Variants in RNF213 observed in about 807,000 individuals in gnomAD.
RNF213 encodes the protein ring finger protein 213, also known as E3 ubiquitin-protein ligase RNF213.
A neutral mutation model predicts 514.4 loss-of-function variants in RNF213; 341 were observed. The ratio of observed to expected loss-of-function variants is 0.66; its 90% confidence interval spans 0.61 to 0.73. The LOEUF (loss-of-function observed/expected upper bound fraction) is 0.73. RNF213 is among the 30% of genes least tolerant of loss of function. The pLI is 0.00. For synonymous variants in RNF213, 2,655 were observed against 2,658.2 expected (o/e 1.00, Z 0.04); for missense variants, 5,767 against 6,615.6 (o/e 0.87, Z 4.45).
At chr17:80,305,255 C>T (rs1312199399) in intron 11 of RNF213, among the ~76,000 whole-genome samples, 4 of 148,000 alleles carry the variant, frequency 2.7e-5, no homozygotes, top group Admixed American at 2.1e-4. Flanking sequence ...CTTGGCTCAC[C>T]GCAACCTCTG....
chr17:80,272,283 C>CA (rs929148269), intron 2 of RNF213, among the ~76,000 whole-genome samples: 11 of 149,738 alleles, frequency 7.3e-5, no homozygotes, highest in Non-Finnish European at 1.0e-4. Context: ...GACTCTGTCT[C>CA]AAAAAAAATA....
chr17:80,347,545 T>C lies in RNF213; in HGVS notation c.9210T>C (p.Phe3070=). 1 of 1,614,144 alleles carries C rather than the reference T, an allele frequency of 6.2e-7. No individual in the cohort carries two copies. Among genetic ancestry groups the C allele is most frequent in the Non-Finnish European group, 8.5e-7 (1 of 1,180,036 alleles). ...FEGDQQPEII[F]GSGFPKDQEY... ...GGGACCAGCAGCCGGAGATTATTTT[T>C]GGTTCTGGTTTCCCCAAGGACCAAG... The change falls in exon 29 of 68, where the codon TTT becomes TTC. Residue 3070 remains phenylalanine (F), a synonymous_variant. Transcript: ENST00000582970. This position sits in a 1 kb window ranked among gnomAD's most constrained non-coding sequence, Gnocchi z 7.2.
intron 8 of RNF213, 26 bp downstream of exon 8, chr17:80,291,853 C>G (rs779437389): frequency 2.5e-6 from 4 of 1,612,970 alleles, no homozygotes; most frequent in Non-Finnish European, 3.4e-6. Flanking sequence ...AGGCTGTCTG[C>G]TCACCCCTCC....
chr17:80,352,210 T>C, intron 32 of RNF213: 1 of 210,630 alleles, frequency 4.7e-6, no homozygotes, highest in Admixed American at 5.2e-5. Flanking sequence ...TTCTGTGTTG[T>C]ACAGTCTGAA....
At position 80,380,880 on chromosome 17, in the gene RNF213, C is replaced by G; in HGVS notation, c.13690C>G (p.Arg4564Gly). The stretch of plus-strand genomic sequence containing the variant: ...CGGCCACGTGCTGGGCAACCCGCAG[C>G]GGAGAGACGTGGTGACATGTGACCG... ...QTGHVLGNPQ[R>G]RDVVTCDRGL... Residue 4564 changes from arginine to glycine, a missense_variant, in exon 56 of 68, where the codon CGG becomes GGG. Arg to Gly is a moderately radical substitution (Grantham distance 125). This residue lies in a region of RNF213 where 1,245 missense variants were observed against 1,339.0 expected (regional missense o/e 0.93). Coordinates refer to ENST00000582970, the MANE Select transcript of RNF213 (RefSeq NM_001256071.3). 1.2e-6 allele frequency: 2 copies of G among 1,614,174 alleles called. No individual in the cohort carries two copies. The highest frequency in any genetic ancestry group is 1.7e-6 in the Non-Finnish European group (2 of 1,180,034).
rs780676359 is a variant in RNF213 at position 80,388,662 on chromosome 17, T to C, written c.14973T>C (p.Phe4991=). The change falls in exon 64 of 68, where the codon TTT becomes TTC. Residue 4991 remains phenylalanine, a synonymous_variant. Coordinates refer to ENST00000582970, the MANE Select transcript of RNF213 (RefSeq NM_001256071.3). The part of the protein sequence containing the change: ...YRHDWNYEHL[F]MDIKNKMAQD... The stretch of plus-strand genomic sequence containing the variant: ...ACGACTGGAACTATGAACATCTCTT[T>C]ATGGACATCAAGAACAAAATGGCAC... The C allele has an allele frequency of 2.5e-6, 4 of 1,612,312 alleles. No homozygotes were observed. Among genetic ancestry groups the C allele is most frequent in the Non-Finnish European group, 3.4e-6 (4 of 1,178,964 alleles).
chr17:80,326,269 C>T (rs1323203869), intron 18 of RNF213, among the ~76,000 whole-genome samples: 1 of 152,186 alleles, frequency 6.6e-6, no homozygotes, highest in Non-Finnish European at 1.5e-5. Context: ...GCACTCCAGG[C>T]GTGCACCACC....
intron 11 of RNF213, among the ~76,000 whole-genome samples, chr17:80,305,595 G>A (rs967842861): frequency 1.5e-4 from 23 of 149,996 alleles, no homozygotes; most frequent in Non-Finnish European, 2.8e-4. Flanking sequence ...TCTATATTAA[G>A]TTAATTCTCC....
At chr17:80,362,764 G>T (rs2079103104) in intron 39 of RNF213, among the ~76,000 whole-genome samples, 2 of 152,220 alleles carry the variant, frequency 1.3e-5, no homozygotes, top group African/African-American at 4.8e-5. Flanking sequence ...CGAAAAATAA[G>T]AAATAGTTTA....
At chr17:80,370,512 C>T (rs1362480450) in intron 46 of RNF213, among the ~76,000 whole-genome samples, 1 of 152,096 alleles carries the variant, frequency 6.6e-6, no homozygotes, top group Non-Finnish European at 1.5e-5. Context: ...AACTGCTGGC[C>T]CCTCACGTGA....
chr17:80,324,447 T>G (rs1185054716), intron 17 of RNF213, among the ~76,000 whole-genome samples: 1 of 152,218 alleles, frequency 6.6e-6, no homozygotes. Flanking sequence ...TGGTGTATAG[T>G]TCCTTTAACA....
At chr17:80,278,444 G>A (rs978404588) in intron 3 of RNF213, among the ~76,000 whole-genome samples, 3 of 152,156 alleles carry the variant, frequency 2.0e-5, no homozygotes, top group Non-Finnish European at 4.4e-5. Context: ...CCGGGGCGCC[G>A]GGAGCCTGGT....
In RNF213 at chr17:80,320,102, AC is replaced by A. The variant is rs2046089202; in HGVS notation, c.3024+791del. The A allele has an allele frequency of 2.2e-5, 16 of 726,754 alleles. No individual in the cohort carries two copies. In the South Asian group the frequency reaches 5.2e-4, roughly 23 times the overall value. 45.0% of individuals were successfully genotyped at this position (726,754 alleles called of 1,614,324 possible). A position where few individuals can be genotyped will look rare whatever the true frequency, so the allele number is the denominator to read the frequency against. On this transcript the variant is annotated intron_variant, in intron 17 of 67. Transcript: ENST00000582970. ...GGTTTTGGGGTAGTCACAGATATGT[AC>A]AGTCATCACCACAGTTAATGACAGA...
intron 8 of RNF213, 26 bp downstream of exon 8, chr17:80,291,853 C>T: frequency 1.2e-6 from 2 of 1,612,970 alleles, no homozygotes; most frequent in Non-Finnish European, 1.7e-6. Context: ...AGGCTGTCTG[C>T]TCACCCCTCC....
intron 25 of RNF213, 67 bp downstream of exon 25, chr17:80,338,064 C>G: frequency 6.6e-7 from 1 of 1,511,566 alleles, no homozygotes. Flanking sequence ...GCTGTGTACT[C>G]CCAAGAAAAC....
chr17:80,292,242 C>G (rs901927039), intron 8 of RNF213, among the ~76,000 whole-genome samples: 1 of 152,062 alleles, frequency 6.6e-6, no homozygotes, highest in Admixed American at 6.6e-5. Flanking sequence ...CTGTCACCAC[C>G]CCCAGCTAAC....
Position 80,377,914 on chromosome 17 carries a change from C to T in RNF213, c.13545+118C>T. On this transcript the variant is annotated intron_variant, in intron 54 of 67. Transcript: ENST00000582970. The surrounding 1 kb of genome is among the most constrained non-coding windows in gnomAD (Gnocchi z 4.1). The stretch of plus-strand genomic sequence containing the variant: ...GCCTTCCAGGAGAGCACAGGCTCAC[C>T]GAGGACTGCCCAGGGTGCTCTGAGC... 2.6e-6 allele frequency: 3 copies of T among 1,169,748 alleles called. No homozygotes were observed. Among genetic ancestry groups the T allele is most frequent in the South Asian group, 2.4e-5 (2 of 81,668 alleles). The allele number at this position is 1,169,748 out of a possible 1,614,324, so 72.5% of individuals were successfully genotyped here.
chr17:80,347,415 A>G lies in RNF213; in HGVS notation c.9080A>G (p.Gln3027Arg). The change falls in exon 29 of 68, where the codon CAG (glutamine) becomes CGG (arginine). Residue 3027 changes from glutamine (Q) to arginine (R), a missense_variant. Physicochemically the swap from Gln to Arg is conservative, Grantham distance 43. Around this residue, in one of 13 missense-constraint regions of RNF213, gnomAD observed 919 missense variants for 1,121.0 expected, o/e 0.82. Coordinates refer to ENST00000582970, the MANE Select transcript of RNF213 (RefSeq NM_001256071.3). The surrounding 1 kb of genome is among the most constrained non-coding windows in gnomAD (Gnocchi z 7.2). Reference protein sequence around the residue: ...LIKQNIFGPSQKVPGGEQEDA... With the variant: ...LIKQNIFGPSRKVPGGEQEDA... ...AAACAGAACATCTTTGGGCCTTCTC[A>G]GAAGGTGCCGGGTGGAGAGCAGGAA... is the stretch of plus-strand genomic sequence containing the variant. The G allele has an allele frequency of 6.2e-7, 1 of 1,614,004 alleles. No individual in the cohort carries two copies. The highest frequency in any genetic ancestry group is 8.5e-7 in the Non-Finnish European group (1 of 1,180,046).
rs940717414 is a variant in RNF213 at position 80,361,623 on chromosome 17, C to T, written c.11201-111C>T. The T allele has an allele frequency of 9.6e-6, 11 of 1,145,826 alleles. No homozygotes were observed. The South Asian group carries it at 1.1e-4, about 12-fold the overall frequency. The allele number at this position is 1,145,826 out of a possible 1,614,324, so 71.0% of individuals were successfully genotyped here. A position where few individuals can be genotyped will look rare whatever the true frequency, so the allele number is the denominator to read the frequency against. On this transcript the variant is annotated intron_variant, in intron 38 of 67. Transcript: ENST00000582970. ...CAGTTGGTACCCCTTTGTCTACGAG[C>T]TCCCATTCAACAAGGCGTCCCCATT...
Sources: allele counts gnomAD v4.1 joint callset (sites outside exome capture counted in the v4.1 genomes callset), GRCh38; gene constraint gnomAD v4.1.1; regional missense constraint gnomAD v4.1.1; non-coding constraint Gnocchi (gnomAD v3.1); transcripts MANE v1.5; gene names NCBI Gene and HGNC (gene_info 2026-07-23, HGNC 2026-07-21).